Variants in LRRC37B observed in about 807,000 individuals in gnomAD.
LRRC37B encodes leucine-rich repeat-containing protein 37B.
LRRC37B carries 28 observed loss-of-function variants against 98.3 expected under a neutral mutation model. The ratio of observed to expected loss-of-function variants is 0.28; its 90% CI spans 0.21 to 0.39. LRRC37B has a LOEUF of 0.39. Among genes scored for constraint, LRRC37B ranks in the 10% least tolerant of loss-of-function variants. LRRC37B has a pLI of 1.00. For missense variants in LRRC37B, 938 were observed against 1,182.7 expected, an observed-to-expected ratio of 0.79 and a Z score of 3.03; for synonymous variants, 364 against 442.7, an observed-to-expected ratio of 0.82 and a Z score of 2.23.
intron 4 of LRRC37B, 61 bp downstream of exon 7, chr17:32,030,788 C>A: frequency 1.0e-6 from 1 of 993,672 alleles, no homozygotes. Flanking sequence ...TTATAAACCT[C>A]TTTGCTATTC....
At chr17:32,013,710 A>G (rs55946864) in intron 1 of LRRC37B, among the ~76,000 whole-genome samples, 3,228 of 148,132 alleles carry the variant, frequency 0.022, 90 homozygotes, top group African/African-American at 0.072. Flanking sequence ...ATAATTGTAT[A>G]TGTGTGTGTG....
intron 11 of LRRC37B, chr17:32,052,077 A>G (rs1911775864): frequency 6.6e-6 from 1 of 152,058 alleles, no homozygotes; most frequent in Admixed American, 6.6e-5. Context: ...TACTTCCAGT[A>G]AAATCTTAGT....
chr17:32,019,970 T>A (rs146917083), upstream of LRRC37B, among the ~76,000 whole-genome samples: 1 of 152,218 alleles, frequency 6.6e-6, no homozygotes, highest in African/African-American at 2.4e-5. Context: ...TCCTGCCTCC[T>A]GAGTAGCTGG....
chr17:32,012,078 G>A (rs1397842322), intron 1 of LRRC37B, among the ~76,000 whole-genome samples: 1 of 152,130 alleles, frequency 6.6e-6, no homozygotes, highest in African/African-American at 2.4e-5. Flanking sequence ...TTTTTTAGGT[G>A]AGTGTTCAGT....
chr17:32,035,944 T>C (rs1312949072), intron 7 of LRRC37B: 2 of 280,146 alleles, frequency 7.1e-6, no homozygotes, highest in Non-Finnish European at 1.4e-5. Context: ...TTTCAGAATG[T>C]CTTATAAATG....
At chr17:32,015,553 A>G (rs1279292768) in intron 1 of LRRC37B, among the ~76,000 whole-genome samples, 1 of 152,208 alleles carries the variant, frequency 6.6e-6, no homozygotes, top group Non-Finnish European at 1.5e-5. Context: ...AGAAACATAC[A>G]TTATACAGAG....
chr17:32,050,115 C>G lies in LRRC37B; in HGVS notation c.2862+8C>G, dbSNP rs780484734. 1.6e-5 allele frequency: 22 copies of G among 1,359,534 alleles called. No individual in the cohort carries two copies. The highest frequency in any genetic ancestry group is 2.1e-5 in the Non-Finnish European group (20 of 949,064). 84.2% of individuals were successfully genotyped at this position (1,359,534 alleles called of 1,614,324 possible). ...ATTTTTTGTCTTATAGAGGTAAGGA[C>G]AATAATTAATTCAGGTTTTCAGAAT... On this transcript the variant is annotated splice_region_variant and intron_variant, in intron 11 of 11. Transcript: ENST00000327564.
chr17:32,025,548 A>G (rs1347696738), intron 2 of LRRC37B, among the ~76,000 whole-genome samples: 1 of 152,020 alleles, frequency 6.6e-6, no homozygotes, highest in Non-Finnish European at 1.5e-5. Flanking sequence ...AAAGGGTAAC[A>G]TCTTGCAACT....
chr17:32,035,259 G>A (rs995276031), intron 6 of LRRC37B, among the ~76,000 whole-genome samples: 16 of 152,088 alleles, frequency 1.1e-4, no homozygotes, highest in Admixed American at 9.2e-4. Context: ...AGAGAAATAG[G>A]TGTTCATTAT....
chr17:32,036,155 C>T (rs930980617), intron 7 of LRRC37B: 1 of 153,800 alleles, frequency 6.5e-6, no homozygotes, highest in Non-Finnish European at 1.4e-5. Context: ...TGTGTGCCAC[C>T]ATGCCCAGAA....
At chr17:32,037,274 T>A (rs1389719637) in intron 7 of LRRC37B, among the ~76,000 whole-genome samples, 1 of 139,102 alleles carries the variant, frequency 7.2e-6, no homozygotes, top group Non-Finnish European at 1.6e-5. Flanking sequence ...AGCCACCATG[T>A]CCAGCCCAGC....
At chr17:32,014,323 C>G (rs1179783009) in intron 1 of LRRC37B, among the ~76,000 whole-genome samples, 2 of 152,130 alleles carry the variant, frequency 1.3e-5, no homozygotes, top group African/African-American at 2.4e-5. Context: ...CAGCTTTAAG[C>G]CTTTCAGCGA....
At chr17:32,019,570 A>AT (rs555597810), upstream of LRRC37B, among the ~76,000 whole-genome samples, 246 of 152,102 alleles carry the variant, frequency 1.6e-3, no homozygotes, top group South Asian at 4.8e-3. Context: ...CTATTTATGG[A>AT]TTTTTTTTTA....
chr17:32,018,343 CA>C (rs779494592), upstream of LRRC37B, among the ~76,000 whole-genome samples: 31 of 152,130 alleles, frequency 2.0e-4, no homozygotes, highest in Admixed American at 1.2e-3. Flanking sequence ...ACAAACAAAA[CA>C]AAACTCAAGG....
intron 4 of LRRC37B, among the ~76,000 whole-genome samples, chr17:32,031,172 C>A (rs1398512481): frequency 1.3e-5 from 2 of 152,136 alleles, no homozygotes; most frequent in African/African-American, 4.8e-5. Flanking sequence ...CAGGTATTTA[C>A]TGAGCGTTCA....
intron 1 of LRRC37B, among the ~76,000 whole-genome samples, chr17:32,010,872 G>A (rs1276766114): frequency 6.6e-6 from 1 of 152,120 alleles, no homozygotes; most frequent in African/African-American, 2.4e-5. Flanking sequence ...ATATGAATGA[G>A]AATATGCGAT....
In LRRC37B at chr17:32,032,322, G is replaced by A. The variant is rs1270589871; in HGVS notation, c.2057+864G>A. ...CTCCCAAAGTGCTGGGGTTACAGGCGTGAGCCACCATGCCTGGCCAAAATG... is the reference window on the plus strand; with the variant it reads ...CTCCCAAAGTGCTGGGGTTACAGGCATGAGCCACCATGCCTGGCCAAAATG... On this transcript the variant is annotated intron_variant, in intron 5 of 11. Coordinates refer to ENST00000327564, the Ensembl canonical transcript of LRRC37B. 5.9e-5 allele frequency among the ~76,000 whole-genome samples: 9 copies of A among 152,058 alleles called. No individual in the cohort carries two copies. The South Asian group carries it at 1.5e-3, about 25-fold the overall frequency.
intron 7 of LRRC37B, among the ~76,000 whole-genome samples, chr17:32,037,881 G>A (rs746478198): frequency 7.9e-5 from 12 of 152,228 alleles, no homozygotes; most frequent in Non-Finnish European, 1.6e-4. Context: ...GCCAAGGCGG[G>A]TGGATCACAA....
chr17:32,035,525 A>G (rs757784275), intron 6 of LRRC37B, 40 bp from the exon 10 acceptor site: 1 of 1,573,560 alleles, frequency 6.4e-7, no homozygotes, highest in Admixed American at 1.7e-5. Context: ...AGAATTTTGT[A>G]ATGGGTTCAT....
Sources: allele counts gnomAD v4.1 joint callset (sites outside exome capture counted in the v4.1 genomes callset), GRCh38; gene constraint gnomAD v4.1.1; transcripts MANE v1.5; gene names NCBI Gene and HGNC (gene_info 2026-07-23, HGNC 2026-07-21).